PARD3B: variants seen among roughly 807,000 people sequenced by gnomAD.
The protein encoded by PARD3B is partitioning defective 3 homolog B.
Under a neutral mutation model 130.2 loss-of-function variants are expected in PARD3B, and 103 were observed. That is an observed-to-expected ratio of 0.79 (90% confidence interval 0.67 to 0.93). The LOEUF is 0.93. Among genes scored for constraint, PARD3B ranks in the 40% least tolerant of loss-of-function variants. PARD3B has a pLI of 0.00. For synonymous variants in PARD3B, 583 were observed against 553.2 expected (o/e 1.05, Z -0.76); for missense variants, 1,609 against 1,499.2 (o/e 1.07, Z -1.21).
At chr2:204,702,456 A>G (rs2037938022) in intron 2 of PARD3B, among the ~76,000 whole-genome samples, 1 of 152,102 alleles carries the variant, frequency 6.6e-6, no homozygotes, top group Non-Finnish European at 1.5e-5. Context: ...ATGGTATTTC[A>G]TTGTGGTTTT....
chr2:205,582,565 A>C (rs2054026151), intron 22 of PARD3B, among the ~76,000 whole-genome samples: 1 of 152,078 alleles, frequency 6.6e-6, no homozygotes, highest in Admixed American at 6.6e-5. Flanking sequence ...TTCCTTTGGG[A>C]ATTTTTTTTA....
chr2:205,550,236 C>T lies in PARD3B; in HGVS notation c.3181-3088C>T, dbSNP rs1024695124. 5.3e-5 allele frequency among the ~76,000 whole-genome samples: 8 copies of T among 152,166 alleles called. No individual in the cohort carries two copies. Among genetic ancestry groups the T allele is most frequent in the South Asian group, 2.1e-4 (1 of 4,830 alleles). On this transcript the variant is annotated intron_variant, in intron 21 of 22. Transcript: ENST00000406610. This position sits in a 1 kb window ranked among gnomAD's most constrained non-coding sequence, Gnocchi z 4.5. ...AGATGACGCTTCAACACCCGTATGA[C>T]GCTGTCTTCAACTCTCCCAGGTGGA... is the stretch of plus-strand genomic sequence containing the variant.
intron 1 of PARD3B, among the ~76,000 whole-genome samples, chr2:204,661,789 A>G (rs2035818290): frequency 6.6e-6 from 1 of 152,202 alleles, no homozygotes; most frequent in Non-Finnish European, 1.5e-5. Flanking sequence ...TGAAAAAAGT[A>G]TTGTTTTACA....
intron 2 of PARD3B, among the ~76,000 whole-genome samples, chr2:204,801,209 G>T (rs1056014265): frequency 7.9e-5 from 12 of 152,068 alleles, no homozygotes; most frequent in Admixed American, 2.0e-4. Flanking sequence ...CTCTTTTTTG[G>T]TTCCATATGA....
chr2:205,163,789 A>G (rs908864052), intron 11 of PARD3B, among the ~76,000 whole-genome samples: 13 of 152,204 alleles, frequency 8.5e-5, no homozygotes, highest in African/African-American at 2.9e-4. Flanking sequence ...TGATAGATCT[A>G]TAATTAATGA....
At chr2:204,560,763 T>C (rs572582094) in intron 1 of PARD3B, among the ~76,000 whole-genome samples, 1 of 152,148 alleles carries the variant, frequency 6.6e-6, no homozygotes, top group African/African-American at 2.4e-5. Context: ...GATGGAGATA[T>C]TGTTGGACCT....
chr2:205,354,801 T>C (rs2105858267), intron 18 of PARD3B, among the ~76,000 whole-genome samples: 1 of 152,312 alleles, frequency 6.6e-6, no homozygotes, highest in African/African-American at 2.4e-5. Context: ...ATAGATTTGA[T>C]TGGCTGTGAA....
chr2:205,040,585 T>G (rs1178518158), intron 3 of PARD3B, among the ~76,000 whole-genome samples: 1 of 152,190 alleles, frequency 6.6e-6, no homozygotes, highest in Non-Finnish European at 1.5e-5. Context: ...GAAACCAAGA[T>G]GCAGCCTATA....
chr2:205,010,128 T>C (rs1368626077), intron 3 of PARD3B, among the ~76,000 whole-genome samples: 1 of 152,110 alleles, frequency 6.6e-6, no homozygotes, highest in African/African-American at 2.4e-5. Flanking sequence ...TGAAAAGAAA[T>C]ACTGAGAGAG....
chr2:204,862,725 C>T (rs1158839198), intron 2 of PARD3B, among the ~76,000 whole-genome samples: 9 of 152,192 alleles, frequency 5.9e-5, no homozygotes, highest in African/African-American at 2.2e-4. Context: ...CCCTTTTCCC[C>T]TCTACTGTTG....
At chr2:204,916,592 G>T (rs887399362) in intron 2 of PARD3B, among the ~76,000 whole-genome samples, 1 of 152,004 alleles carries the variant, frequency 6.6e-6, no homozygotes, top group Admixed American at 6.6e-5. Flanking sequence ...CCAGAAGAGT[G>T]TATTTTATAA....
chr2:205,365,382 G>GGAA (rs1553686071), intron 18 of PARD3B, among the ~76,000 whole-genome samples: 1 of 144,064 alleles, frequency 6.9e-6, no homozygotes, highest in Non-Finnish European at 1.5e-5. Context: ...CTCCGTCTCA[G>GGAA]AAAAAAAAAA....
At chr2:204,947,349 G>A (rs1445921205) in intron 2 of PARD3B, among the ~76,000 whole-genome samples, 1 of 152,168 alleles carries the variant, frequency 6.6e-6, no homozygotes, top group Non-Finnish European at 1.5e-5. Flanking sequence ...TGGAGTAAGT[G>A]TAGAGTGAAA....
chr2:204,573,449 G>A (rs138661969), intron 1 of PARD3B, among the ~76,000 whole-genome samples: 44 of 152,286 alleles, frequency 2.9e-4, no homozygotes, highest in African/African-American at 7.7e-4. Flanking sequence ...TGACTTAGCA[G>A]TGATGTCATT....
chr2:205,388,467 A>G (rs1219055100), intron 18 of PARD3B, among the ~76,000 whole-genome samples: 2 of 152,200 alleles, frequency 1.3e-5, no homozygotes, highest in South Asian at 2.1e-4. Context: ...CAAATTGTAA[A>G]TCATCACTAT....
chr2:205,508,785 G>T (rs1290921271), intron 21 of PARD3B, among the ~76,000 whole-genome samples: 1 of 152,062 alleles, frequency 6.6e-6, no homozygotes, highest in Non-Finnish European at 1.5e-5. Flanking sequence ...AAAAAAGAGA[G>T]AAAAAACCAT....
intron 1 of PARD3B, among the ~76,000 whole-genome samples, chr2:204,578,461 A>G (rs184096620): frequency 2.6e-4 from 39 of 152,198 alleles, no homozygotes; most frequent in Admixed American, 2.2e-3. Flanking sequence ...GTATATATAT[A>G]TTTTTTGTGT....
intron 2 of PARD3B, among the ~76,000 whole-genome samples, chr2:204,930,760 A>G (rs1006542975): frequency 9.9e-5 from 15 of 152,026 alleles, no homozygotes; most frequent in Non-Finnish European, 2.1e-4. Flanking sequence ...CCAGTGCAAA[A>G]CTATCTGGTG....
At chr2:204,909,866 T>C (rs191978664) in intron 2 of PARD3B, among the ~76,000 whole-genome samples, 15 of 152,336 alleles carry the variant, frequency 9.8e-5, no homozygotes, top group Admixed American at 9.8e-4. Context: ...TTGCTATGCT[T>C]AGATTTTTTC....
Sources: allele counts gnomAD v4.1 joint callset (sites outside exome capture counted in the v4.1 genomes callset), GRCh38; gene constraint gnomAD v4.1.1; non-coding constraint Gnocchi (gnomAD v3.1); transcripts MANE v1.5; gene names NCBI Gene and HGNC (gene_info 2026-07-23, HGNC 2026-07-21).